Variants in ZNF688 observed in about 807,000 individuals in gnomAD.
ZNF688 encodes the protein zinc finger protein 688.
ZNF688 carries 10 observed loss-of-function variants against 13.2 expected under a neutral mutation model. The observed-to-expected ratio is 0.76, with a 90% CI of 0.47 to 1.28. The LOEUF (loss-of-function observed/expected upper bound fraction) is 1.28, where lower values mean the gene tolerates loss of function less well. Among genes scored for constraint, ZNF688 ranks in the 50% most tolerant of loss-of-function variants. ZNF688 has a pLI of 0.00. For synonymous variants in ZNF688, 160 were observed against 159.4 expected, an observed-to-expected ratio of 1.00 and a Z score of -0.03; for missense variants, 381 against 391.4, an observed-to-expected ratio of 0.97 and a Z score of 0.22.
upstream of ZNF688, among the ~76,000 whole-genome samples, chr16:30,576,311 A>G (rs957669836): frequency 1.3e-5 from 2 of 152,218 alleles, no homozygotes; most frequent in African/African-American, 4.8e-5. Context: ...TCCCGGGCTA[A>G]CGCCATTCTC....
chr16:30,571,272 A>T (rs2051676406), intron 1 of ZNF688, 149 bp from the exon 2 acceptor site: 1 of 1,538,128 alleles, frequency 6.5e-7, no homozygotes, highest in African/African-American at 1.4e-5. Flanking sequence ...GATGCGGGTG[A>T]AAACACTCCC....
At chr16:30,579,781 T>A in the ZNF688 span, 1 of 455,940 alleles carries the variant, frequency 2.2e-6, no homozygotes, top group Non-Finnish European at 4.4e-6. Context: ...GCAGAAATGC[T>A]TAGTCCCACC....
chr16:30,571,470 C>T lies in ZNF688; in HGVS notation c.160G>A (p.Val54Met). Residue 54 changes from valine (V) to methionine (M), a missense_variant, in exon 1 of 3, where the codon GTG (valine) becomes ATG (methionine). Physicochemically the swap from Val to Met is conservative, Grantham distance 21. Transcript: ENST00000223459. ...RPAQRALYRD[V>M]MQETYGHLGA... ...AGGTGGCCGTAGGTCTCCTGCATCA[C>T]GTCCCGGTACAGAGCCCTCTGCGCG... 1 of 1,587,858 alleles carries T rather than the reference C, an allele frequency of 6.3e-7. No homozygotes were observed. The highest frequency in any genetic ancestry group is 8.6e-7 in the Non-Finnish European group (1 of 1,168,270).
At chr16:30,572,118 T>G, upstream of ZNF688, 3 of 1,583,962 alleles carry the variant, frequency 1.9e-6, no homozygotes, top group Non-Finnish European at 2.6e-6. Context: ...GAAGCTTCAC[T>G]TACCCCTCTG....
At chr16:30,579,882 T>C in the ZNF688 span, 1 of 455,042 alleles carries the variant, frequency 2.2e-6, no homozygotes, top group East Asian at 7.0e-5. Flanking sequence ...TTAACTGTTG[T>C]TTTTTGTTTT....
At position 30,570,453 on chromosome 16, in the gene ZNF688, A is replaced by G. The variant is rs1185612549; in HGVS notation, c.311-17T>C. Reference sequence around the variant, plus strand: ...GGACATCTCCTGGGAAACCGGAATTAAGTTACACTTACAAACACTTTTGCA... The same window carrying G: ...GGACATCTCCTGGGAAACCGGAATTGAGTTACACTTACAAACACTTTTGCA... On this transcript the variant is annotated splice_polypyrimidine_tract_variant and intron_variant, in intron 2 of 2. Coordinates refer to ENST00000223459, the MANE Select transcript of ZNF688 (RefSeq NM_145271.4). 3 of 1,601,660 alleles carry G rather than the reference A, an allele frequency of 1.9e-6. No individual in the cohort carries two copies. Among genetic ancestry groups the G allele is most frequent in the East Asian group, 4.5e-5 (2 of 44,758 alleles).
At chr16:30,570,795 C>T in intron 2 of ZNF688, 1 of 450,768 alleles carries the variant, frequency 2.2e-6, no homozygotes, top group East Asian at 3.5e-5. Flanking sequence ...CTCTGTCACC[C>T]AGGCTGGAGT....
At chr16:30,572,917 G>A (rs2051709181), upstream of ZNF688, among the ~76,000 whole-genome samples, 2 of 151,694 alleles carry the variant, frequency 1.3e-5, no homozygotes, top group Non-Finnish European at 2.9e-5. Flanking sequence ...TGTTGCCCAG[G>A]CTGGAGTGCA....
rs769403192 is a variant in ZNF688, at chr16:30,570,447, G to C, written c.311-11C>G. The C allele has an allele frequency of 6.2e-7, 1 of 1,603,834 alleles. No homozygotes were observed. Among genetic ancestry groups the C allele is most frequent in the South Asian group, 1.1e-5 (1 of 90,798 alleles). Reference sequence around the variant, plus strand: ...TGTTTGGGACATCTCCTGGGAAACCGGAATTAAGTTACACTTACAAACACT... The same window carrying C: ...TGTTTGGGACATCTCCTGGGAAACCCGAATTAAGTTACACTTACAAACACT... On this transcript the variant is annotated splice_polypyrimidine_tract_variant and intron_variant, in intron 2 of 2. Transcript: ENST00000223459.
upstream of ZNF688, chr16:30,571,745 G>A: frequency 2.2e-6 from 3 of 1,337,404 alleles, no homozygotes; most frequent in East Asian, 6.1e-5. Flanking sequence ...CGTGGCGTCC[G>A]AACGCAGCCG....
At position 30,570,043 on chromosome 16, in the gene ZNF688, G is replaced by C; in HGVS notation, c.704C>G (p.Ser235Cys). ...AVEAHQWIHRSCSGGRRGRRP... is the reference protein window; with the variant it reads ...AVEAHQWIHRCCSGGRRGRRP... Reference sequence around the variant, plus strand: ...CCGGCCCCGCCGCCCCCCGGAGCAGGAGCGGTGGATCCACTGGTGCGCTTC... The same window carrying C: ...CCGGCCCCGCCGCCCCCCGGAGCAGCAGCGGTGGATCCACTGGTGCGCTTC... The change falls in exon 3 of 3, where the codon TCC (serine) becomes TGC (cysteine). Residue 235 changes from serine to cysteine, a missense_variant. Ser to Cys is a moderately radical substitution (Grantham distance 112). Transcript: ENST00000223459. 1 of 1,611,034 alleles carries C rather than the reference G, an allele frequency of 6.2e-7. No homozygotes were observed. The highest frequency in any genetic ancestry group is 2.2e-5 in the East Asian group (1 of 44,838).
chr16:30,570,094 A>G lies in ZNF688; in HGVS notation c.653T>C (p.Met218Thr), dbSNP rs1490367024. 1.2e-6 allele frequency: 2 copies of G among 1,611,640 alleles called. No homozygotes were observed. ...ERPFPCPECG[M>T]RFKRKFAVEA... ...CACTGCGAACTTCCTCTTGAAGCGC[A>G]TGCCACACTCGGGGCAGGGGAAAGG... Residue 218 changes from methionine (M) to threonine (T), a missense_variant, in exon 3 of 3, where the codon ATG (methionine) becomes ACG (threonine). By Grantham distance (81) the Met-to-Thr change is moderately conservative. Coordinates refer to ENST00000223459, the MANE Select transcript of ZNF688 (RefSeq NM_145271.4).
upstream of ZNF688, chr16:30,572,390 T>C: frequency 9.1e-6 from 11 of 1,211,322 alleles, no homozygotes; most frequent in Non-Finnish European, 1.2e-5. Context: ...GCAAACCATG[T>C]GTACACCCGC....
upstream of ZNF688, among the ~76,000 whole-genome samples, chr16:30,576,932 C>G (rs2151233913): frequency 6.6e-6 from 1 of 151,976 alleles, no homozygotes; most frequent in Non-Finnish European, 1.5e-5. Flanking sequence ...CCATGCCTGG[C>G]TAATTTTCGT....
the ZNF688 span, chr16:30,578,721 G>A: frequency 1.3e-5 from 2 of 152,000 alleles, no homozygotes; most frequent in Non-Finnish European, 2.9e-5. Context: ...AGTAGAGACA[G>A]GGTTTCTCCA....
Position 30,571,139 on chromosome 16 carries a change from G to C in ZNF688, c.197-16C>G. 6.4e-7 allele frequency: 1 copy of C among 1,567,986 alleles called. No homozygotes were observed. Among genetic ancestry groups the C allele is most frequent in the East Asian group, 2.3e-5 (1 of 44,314 alleles). On this transcript the variant is annotated splice_polypyrimidine_tract_variant and intron_variant, in intron 1 of 2. Coordinates refer to ENST00000223459, the MANE Select transcript of ZNF688 (RefSeq NM_145271.4). ...CCTGGGAATCCTGGGAGAGAACAGG[G>C]ATCACAGCGCGGGCCTGAGAGGCCA...
upstream of ZNF688, among the ~76,000 whole-genome samples, chr16:30,577,436 G>A (rs952697482): frequency 1.1e-4 from 17 of 149,954 alleles, no homozygotes; most frequent in Non-Finnish European, 1.9e-4. Flanking sequence ...CTGGAGTGCA[G>A]TAGTGGGATC....
Position 30,569,859 on chromosome 16 carries a change from A to G in ZNF688, c.*57T>C. ...AGTCCCCGACTCAGTGGCCCACCTC[A>G]GGGATCCGTCAGTCCTTCGTGCCAA... On this transcript the variant is annotated 3_prime_UTR_variant, in exon 3 of 3. Transcript: ENST00000223459. 1 of 1,492,854 alleles carries G rather than the reference A, an allele frequency of 6.7e-7. No individual in the cohort carries two copies. The allele number at this position is 1,492,854 out of a possible 1,614,324, so 92.5% of individuals were successfully genotyped here. A position where few individuals can be genotyped will look rare whatever the true frequency, so the allele number is the denominator to read the frequency against.
At chr16:30,571,818 AATTCCTCAGTGTTT>A, upstream of ZNF688, 4 of 1,310,018 alleles carry the variant, frequency 3.1e-6, no homozygotes, top group Non-Finnish European at 3.9e-6. Flanking sequence ...GGACAAATAT[AATTCCTCAGTGTTT>A]ATTCACTTCA....
Sources: allele counts gnomAD v4.1 joint callset (sites outside exome capture counted in the v4.1 genomes callset), GRCh38; gene constraint gnomAD v4.1.1; transcripts MANE v1.5; gene names NCBI Gene and HGNC (gene_info 2026-07-23, HGNC 2026-07-21).